Variants in ZNF341 observed in about 807,000 individuals in gnomAD.
ZNF341 encodes zinc finger protein 341.
In ZNF341, 52 loss-of-function variants were observed where a neutral mutation model predicts 87.7. That is an observed-to-expected ratio of 0.59 (90% CI 0.47 to 0.75). ZNF341 has a LOEUF of 0.75. Among genes scored for constraint, ZNF341 ranks in the 30% least tolerant of loss-of-function variants. The pLI is 0.00. For missense variants in ZNF341, 977 were observed against 1,145.9 expected, an observed-to-expected ratio of 0.85 and a Z score of 2.13; for synonymous variants, 459 against 472.7, an observed-to-expected ratio of 0.97 and a Z score of 0.38.
chr20:33,750,617 A>G (rs1441004306), intron 4 of ZNF341, among the ~76,000 whole-genome samples: 2 of 150,196 alleles, frequency 1.3e-5, no homozygotes, highest in African/African-American at 2.5e-5. Flanking sequence ...ACATGGTGCC[A>G]ACATACTTGG....
chr20:33,791,185 C>T lies in ZNF341; in HGVS notation c.2233C>T (p.Arg745Trp), dbSNP rs370999022. 4.8e-5 allele frequency: 78 copies of T among 1,613,032 alleles called. No individual in the cohort carries two copies. The highest frequency in any genetic ancestry group is 1.7e-4 in the Middle Eastern group (1 of 6,060). Residue 745 changes from arginine (R) to tryptophan (W), a missense_variant, in exon 15 of 15, where the codon CGG becomes TGG. Arg to Trp is a moderately radical substitution (Grantham distance 101). Transcript: ENST00000375200. ...PQKDKDLQTR[R>W]PPQRRAAPRS... Reference sequence around the variant, plus strand: ...AAAGGACAAGGACCTGCAAACCCGGCGGCCCCCCCAGAGGAGGGCAGCCCC... The same window carrying T: ...AAAGGACAAGGACCTGCAAACCCGGTGGCCCCCCCAGAGGAGGGCAGCCCC...
chr20:33,775,529 AT>A lies in ZNF341; in HGVS notation c.1622+5239del, dbSNP rs773977880. Among the ~76,000 whole-genome samples, 4 of 143,832 alleles carry A rather than the reference AT, an allele frequency of 2.8e-5. No individual in the cohort carries two copies. The East Asian group carries it at 8.2e-4, about 30-fold the overall frequency. The allele number at this position is 143,832 out of a possible 152,430, so 94.4% of individuals were successfully genotyped here. ...CGGCCTTTTTTTTTTTTTTTTAAAG[AT>A]TAATTATCTACTTCAAAAACTATAT... On this transcript the variant is annotated intron_variant, in intron 10 of 14. Transcript: ENST00000375200.
intron 10 of ZNF341, among the ~76,000 whole-genome samples, chr20:33,775,528 GATTA>G (rs1450180972): frequency 2.1e-5 from 3 of 142,752 alleles, no homozygotes; most frequent in East Asian, 4.2e-4. Flanking sequence ...TTTTTTTAAA[GATTA>G]ATTATCTACT....
rs150876386 is a variant in ZNF341 at position 33,780,974 on chromosome 20, T to C, written c.1623-317T>C. Among the ~76,000 whole-genome samples the C allele has an allele frequency of 1.5e-3, 228 of 152,150 alleles. 3 individuals are homozygous for C. The highest frequency in any genetic ancestry group is 3.1e-3 in the South Asian group (15 of 4,812). ...CCTCTCACCTTGGCCTCCTAAAGTA[T>C]TGGGATTGCAGGTGTGAGCCAGCCA... On this transcript the variant is annotated intron_variant, in intron 10 of 14. Transcript: ENST00000375200.
chr20:33,779,301 A>G (rs140512334), intron 10 of ZNF341, among the ~76,000 whole-genome samples: 226 of 152,250 alleles, frequency 1.5e-3, no homozygotes, highest in African/African-American at 4.8e-3. Flanking sequence ...CACCAAGGGG[A>G]TGGTCCTAAA....
At chr20:33,740,317 A>G (rs2018772636) in intron 1 of ZNF341, among the ~76,000 whole-genome samples, 1 of 152,220 alleles carries the variant, frequency 6.6e-6, no homozygotes, top group Non-Finnish European at 1.5e-5. Flanking sequence ...AAAACTTTCC[A>G]GAAGCTGCCA....
chr20:33,766,934 A>G lies in ZNF341; in HGVS notation c.1306A>G (p.Lys436Glu). The G allele has an allele frequency of 1.2e-6, 2 of 1,614,202 alleles. No homozygotes were observed. The highest frequency in any genetic ancestry group is 1.7e-6 in the Non-Finnish European group (2 of 1,180,018). ...GGAAGAGGGGGACAAGCCGGAGTCCAAGCAGGTGGTCCTCATCGACAGCTC... is the reference window on the plus strand; with the variant it reads ...GGAAGAGGGGGACAAGCCGGAGTCCGAGCAGGTGGTCCTCATCGACAGCTC... The part of the protein sequence containing the change: ...GEEEGDKPES[K>E]QVVLIDSSYL... Residue 436 changes from lysine to glutamate, a missense_variant, in exon 9 of 15, where the codon AAG (lysine) becomes GAG (glutamate). Transcript: ENST00000375200.
Position 33,745,177 on chromosome 20 carries a change from C to T in ZNF341, c.217C>T (p.Arg73Trp), listed in dbSNP as rs765975428. The change falls in exon 3 of 15, where the codon CGG (arginine) becomes TGG (tryptophan). Residue 73 changes from arginine (R) to tryptophan (W), a missense_variant. Coordinates refer to ENST00000375200, the MANE Select transcript of ZNF341 (RefSeq NM_001282933.2). ...NSLPAFMTHK[R>W]EQCQGNAPAL... ...GCTGCCAGCGTTTATGACCCACAAG[C>T]GGGAACAGTGCCAGGGGAATGCCCC... 1.7e-5 allele frequency: 27 copies of T among 1,614,168 alleles called. No homozygotes were observed. The highest frequency in any genetic ancestry group is 8.9e-5 in the East Asian group (4 of 44,886).
chr20:33,790,940 C>T (rs763834919), intron 14 of ZNF341, 48 bp from the exon 15 acceptor site: 33 of 1,564,492 alleles, frequency 2.1e-5, no homozygotes, highest in Middle Eastern at 3.4e-4. Context: ...GGCACTGTTG[C>T]GGGGTGAAGG....
In ZNF341 at chr20:33,747,753, C is replaced by G. The variant is rs536681815; in HGVS notation, c.340-1170C>G. 4.2e-5 allele frequency among the ~76,000 whole-genome samples: 6 copies of G among 142,792 alleles called. No homozygotes were observed. In the East Asian group the frequency reaches 8.9e-4, roughly 21 times the overall value. The allele number at this position is 142,792 out of a possible 152,430, so 93.7% of individuals were successfully genotyped here. On this transcript the variant is annotated intron_variant, in intron 3 of 14. Coordinates refer to ENST00000375200, the MANE Select transcript of ZNF341 (RefSeq NM_001282933.2). ...TTTGAGACAAGGTCTTACTGTCGCT[C>G]AGGCTGGCCTTGGCTCACTGCAACC...
At position 33,746,676 on chromosome 20, in the gene ZNF341, T is replaced by C. The variant is rs115031166; in HGVS notation, c.339+1377T>C. ...GTGAGAGAGAAAGCCAGGAGACCCG[T>C]TGAGGGACTGTAGTGCAAATCCAGG... On this transcript the variant is annotated intron_variant, in intron 3 of 14. Coordinates refer to ENST00000375200, the MANE Select transcript of ZNF341 (RefSeq NM_001282933.2). Among the ~76,000 whole-genome samples the C allele has an allele frequency of 2.6e-5, 4 of 152,136 alleles. No homozygotes were observed. In the East Asian group the frequency reaches 5.8e-4, roughly 22 times the overall value.
chr20:33,738,089 A>G (rs2018729208), intron 1 of ZNF341, among the ~76,000 whole-genome samples: 1 of 149,256 alleles, frequency 6.7e-6, no homozygotes, highest in African/African-American at 2.5e-5. Context: ...GTGAGCCAAG[A>G]TTGCGCCATT....
In ZNF341 at chr20:33,791,413, G is replaced by C; in HGVS notation, c.2461G>C (p.Ala821Pro). Reference sequence around the variant, plus strand: ...AACTGAGCTGGTGGTACCTGGACACGCTGAGGGGCTGGGCTCCAACCTGGC... The same window carrying C: ...AACTGAGCTGGTGGTACCTGGACACCCTGAGGGGCTGGGCTCCAACCTGGC... ...AETELVVPGHAEGLGSNLALA... is the reference protein window; with the variant it reads ...AETELVVPGHPEGLGSNLALA... Residue 821 changes from alanine (A) to proline (P), a missense_variant, in exon 15 of 15, where the codon GCT becomes CCT. Ala to Pro is a conservative substitution (Grantham distance 27). This residue lies in a region of ZNF341 where 221 missense variants were observed against 212.7 expected (regional missense o/e 1.04). Transcript: ENST00000375200. 6.2e-7 allele frequency: 1 copy of C among 1,611,892 alleles called. No individual in the cohort carries two copies.
chr20:33,783,980 C>A (rs1031241998), intron 12 of ZNF341, 116 bp downstream of exon 12: 3 of 1,013,038 alleles, frequency 3.0e-6, no homozygotes, highest in African/African-American at 1.7e-5. Flanking sequence ...TCTCCCTCAG[C>A]CCCTTTTCCC....
intron 1 of ZNF341, among the ~76,000 whole-genome samples, chr20:33,738,956 T>C (rs556127528): frequency 3.3e-5 from 5 of 152,236 alleles, no homozygotes; most frequent in Admixed American, 1.3e-4. Flanking sequence ...TAGCTGATGG[T>C]TTCAATTTTT....
At chr20:33,748,782 T>C (rs2122653524) in intron 3 of ZNF341, 141 bp from the exon 4 acceptor site, 3 of 786,260 alleles carry the variant, frequency 3.8e-6, no homozygotes, top group Non-Finnish European at 5.9e-6. Flanking sequence ...GTCTGTGGGA[T>C]TCCAGAACCT....
chr20:33,745,114 G>T lies in ZNF341; in HGVS notation c.154G>T (p.Val52Leu), dbSNP rs1375963191. The stretch of plus-strand genomic sequence containing the variant: ...GGGTATGACCCCAGATGACGAGGAT[G>T]TATTTCTCTGCGGGAAGTGTAAGAA... The part of the protein sequence containing the change: ...PAIQPLDDED[V>L]FLCGKCKKQF... Residue 52 changes from valine to leucine, a missense_variant, in exon 3 of 15, where the codon GTA becomes TTA. Val to Leu is a conservative substitution (Grantham distance 32). Transcript: ENST00000375200. 6.2e-7 allele frequency: 1 copy of T among 1,611,326 alleles called. No homozygotes were observed. The highest frequency in any genetic ancestry group is 1.1e-5 in the South Asian group (1 of 91,060).
chr20:33,777,352 AG>A (rs1399787886), intron 10 of ZNF341, among the ~76,000 whole-genome samples: 1 of 129,842 alleles, frequency 7.7e-6, no homozygotes, highest in African/African-American at 2.9e-5. Flanking sequence ...AAAAAAAATC[AG>A]GCCAGGTGCG....
At position 33,732,631 on chromosome 20, in the gene ZNF341, G is replaced by C. The variant is rs562852638; in HGVS notation, c.31+579G>C. 8.5e-5 allele frequency among the ~76,000 whole-genome samples: 13 copies of C among 152,360 alleles called. No homozygotes were observed. Among genetic ancestry groups the C allele is most frequent in the African/African-American group, 2.4e-4 (10 of 41,590 alleles). On this transcript the variant is annotated intron_variant, in intron 1 of 14. Transcript: ENST00000375200. This position sits in a 1 kb window ranked among gnomAD's most constrained non-coding sequence, Gnocchi z 4.5. The stretch of plus-strand genomic sequence containing the variant: ...ACCTGGCGCCTGCAGTGCGCACCGT[G>C]GCCGGTGCAGTTTTACAAATTAAAC...
Sources: allele counts gnomAD v4.1 joint callset (sites outside exome capture counted in the v4.1 genomes callset), GRCh38; gene constraint gnomAD v4.1.1; regional missense constraint gnomAD v4.1.1; non-coding constraint Gnocchi (gnomAD v3.1); transcripts MANE v1.5; gene names NCBI Gene and HGNC (gene_info 2026-07-23, HGNC 2026-07-21).